FRMPD4: variants seen among roughly 807,000 people sequenced by gnomAD.
The protein encoded by FRMPD4 is FERM and PDZ domain containing 4.
In FRMPD4, 22 loss-of-function variants were observed where a neutral mutation model predicts 94.1. The ratio of observed to expected loss-of-function variants is 0.23; its 90% CI spans 0.17 to 0.33. The LOEUF is 0.33. FRMPD4 is among the 10% of genes least tolerant of loss of function. FRMPD4 has a pLI of 1.00. For synonymous variants in FRMPD4, 631 were observed against 548.6 expected (o/e 1.15, Z -2.10); for missense variants, 1,111 against 1,339.9 (o/e 0.83, Z 2.67).
chrX:12,036,835 G>A (rs955247322), intron 3 of FRMPD4, among the ~76,000 whole-genome samples: 5 of 111,951 alleles, frequency 4.5e-5, no homozygotes, highest in African/African-American at 6.5e-5. Context: ...TGATTTGGAA[G>A]TATTATTATG....
At chrX:12,046,449 T>C (rs1248030204) in intron 3 of FRMPD4, among the ~76,000 whole-genome samples, 2 of 110,461 alleles carry the variant, frequency 1.8e-5, no homozygotes, top group Non-Finnish European at 3.8e-5. Flanking sequence ...CTGGAGGTAG[T>C]GTCAGATCCC....
intron 3 of FRMPD4, among the ~76,000 whole-genome samples, chrX:11,905,501 T>G (rs1057147146): frequency 8.9e-6 from 1 of 111,817 alleles, no homozygotes; most frequent in Admixed American, 9.5e-5. Context: ...CAAGAAATCT[T>G]CCTATTTGAG....
At chrX:12,136,188 G>A (rs1289878400), upstream of FRMPD4, among the ~76,000 whole-genome samples, 1 of 111,041 alleles carries the variant, frequency 9.0e-6, no homozygotes, top group Non-Finnish European at 1.9e-5. Context: ...CATATGATTT[G>A]TTCGTTCAAC....
intron 2 of FRMPD4, among the ~76,000 whole-genome samples, chrX:12,570,598 C>T (rs2058752536): frequency 8.9e-6 from 1 of 112,133 alleles, no homozygotes; most frequent in South Asian, 3.7e-4. Context: ...GCCACCATGC[C>T]TGGCCACATG....
At chrX:11,827,087 A>ATATATATAT (rs58743575) in intron 1 of FRMPD4, among the ~76,000 whole-genome samples, 1,615 of 83,141 alleles carry the variant, frequency 0.019, 30 homozygotes, top group East Asian at 0.098. Context: ...TATATATATA[A>ATATATATAT]AATATATATG....
chrX:12,559,761 G>A (rs2058634100), intron 2 of FRMPD4, among the ~76,000 whole-genome samples: 1 of 110,870 alleles, frequency 9.0e-6, no homozygotes, highest in Admixed American at 9.5e-5. Context: ...AATAAAAATT[G>A]TGTGACAAGG....
rs200256322 is a variant in FRMPD4, at chrX:12,497,474, T to TAAA, written c.42-1194_42-1192dup. Among the ~76,000 whole-genome samples, 165 of 96,186 alleles carry TAAA rather than the reference T, an allele frequency of 1.7e-3. 1 individual carries two copies. Among genetic ancestry groups the TAAA allele is most frequent in the Middle Eastern group, 5.2e-3 (1 of 192 alleles). The allele number at this position is 96,186 out of a possible 115,157, so 83.5% of individuals were successfully genotyped here. ...CTCTCACTGCAGGGAAGCAGCACATTAAAAAAAAAAAAAACCACCAGAGGA... is the reference window on the plus strand; with the variant it reads ...CTCTCACTGCAGGGAAGCAGCACATTAAAAAAAAAAAAAAAAACCACCAGAGGA... On this transcript the variant is annotated intron_variant, in intron 1 of 16. Coordinates refer to ENST00000675598, the MANE Select transcript of FRMPD4 (RefSeq NM_001368397.1).
chrX:11,912,649 C>A (rs749301624), intron 3 of FRMPD4, among the ~76,000 whole-genome samples: 2 of 111,248 alleles, frequency 1.8e-5, no homozygotes, highest in South Asian at 3.8e-4. Flanking sequence ...GTCAAAGAGA[C>A]AACTTTTAAA....
chrX:11,880,156 A>G (rs910481746), intron 3 of FRMPD4, among the ~76,000 whole-genome samples: 2 of 111,250 alleles, frequency 1.8e-5, no homozygotes, highest in Non-Finnish European at 3.8e-5. Context: ...GTTTTCTGAA[A>G]CCAGCTTGAT....
At chrX:11,947,895 G>A (rs377518299) in intron 3 of FRMPD4, among the ~76,000 whole-genome samples, 107 of 105,699 alleles carry the variant, frequency 1.0e-3, no homozygotes, top group African/African-American at 3.4e-3. Flanking sequence ...GAGACCAGCA[G>A]ACCAACATGG....
At chrX:12,448,411 T>C (rs901138724) in intron 1 of FRMPD4, among the ~76,000 whole-genome samples, 1 of 112,199 alleles carries the variant, frequency 8.9e-6, no homozygotes, top group Admixed American at 9.4e-5. Flanking sequence ...CGAAACACTT[T>C]AATAAATAAA....
At chrX:12,513,542 T>C (rs1278762728) in intron 2 of FRMPD4, among the ~76,000 whole-genome samples, 2 of 112,012 alleles carry the variant, frequency 1.8e-5, no homozygotes, top group African/African-American at 3.2e-5. Flanking sequence ...TGCAGTCATA[T>C]TTCTGAGATA....
chrX:12,164,300 G>T (rs1389270052), intron 1 of FRMPD4, among the ~76,000 whole-genome samples: 14 of 110,218 alleles, frequency 1.3e-4, no homozygotes, highest in Admixed American at 1.3e-3. Context: ...TGCGGTGTTT[G>T]TTTTTTTTGT....
chrX:12,565,836 G>A (rs2058706448), intron 2 of FRMPD4, among the ~76,000 whole-genome samples: 1 of 111,759 alleles, frequency 8.9e-6, no homozygotes, highest in African/African-American at 3.3e-5. Flanking sequence ...CGGGGTAAGG[G>A]GTGAACTGGA....
At chrX:12,413,857 A>C (rs1273405800) in intron 1 of FRMPD4, among the ~76,000 whole-genome samples, 1 of 112,324 alleles carries the variant, frequency 8.9e-6, no homozygotes, top group East Asian at 2.8e-4. Context: ...GGGGATGTTC[A>C]GCCCTTCCAG....
chrX:12,284,567 G>A (rs1475445717), intron 1 of FRMPD4, among the ~76,000 whole-genome samples: 2 of 111,853 alleles, frequency 1.8e-5, no homozygotes, highest in Non-Finnish European at 3.8e-5. Flanking sequence ...AGATAGTGAA[G>A]CTTCCAGGGC....
chrX:12,504,835 T>C (rs1376599891), intron 2 of FRMPD4, among the ~76,000 whole-genome samples: 1 of 112,644 alleles, frequency 8.9e-6, no homozygotes, highest in Non-Finnish European at 1.9e-5. Flanking sequence ...TCTTGAAACT[T>C]TGCTGGCTTA....
At chrX:12,167,264 G>C (rs1157266823) in intron 1 of FRMPD4, among the ~76,000 whole-genome samples, 1 of 111,676 alleles carries the variant, frequency 9.0e-6, no homozygotes, top group African/African-American at 3.3e-5. Context: ...CTTTGTTCTG[G>C]TTGGTTTCAA....
chrX:12,468,480 T>C (rs1467260349), intron 1 of FRMPD4, among the ~76,000 whole-genome samples: 2 of 111,755 alleles, frequency 1.8e-5, no homozygotes, highest in Non-Finnish European at 3.8e-5. Context: ...GCTGTGCTGA[T>C]GGGAGTATTA....
Sources: allele counts gnomAD v4.1 joint callset (sites outside exome capture counted in the v4.1 genomes callset), GRCh38; gene constraint gnomAD v4.1.1; transcripts MANE v1.5; gene names NCBI Gene and HGNC (gene_info 2026-07-23, HGNC 2026-07-21).